The following EVI5 variants were observed in gnomAD, a reference collection of about 807,000 sequenced individuals.
EVI5 encodes the protein ecotropic viral integration site 5.
EVI5 carries 73 observed loss-of-function variants against 112.0 expected under a neutral mutation model. The ratio of observed to expected loss-of-function variants is 0.65; its 90% confidence interval spans 0.54 to 0.79. The LOEUF (loss-of-function observed/expected upper bound fraction) is 0.79. EVI5 is among the 30% of genes least tolerant of loss of function. The probability of loss-of-function intolerance (pLI) is 0.00; values close to 1 mark genes in which losing one functional copy is unlikely to be tolerated. For missense variants in EVI5, 900 were observed against 968.8 expected (o/e 0.93, Z 0.94); for synonymous variants, 305 against 319.9 (o/e 0.95, Z 0.50).
chr1:92,575,107 C>T (rs1028522057), intron 18 of EVI5, among the ~76,000 whole-genome samples: 3 of 152,202 alleles, frequency 2.0e-5, no homozygotes, highest in South Asian at 2.1e-4. Context: ...TTACAACTTA[C>T]AAAATTTTCC....
intron 19 of EVI5, among the ~76,000 whole-genome samples, chr1:92,542,710 G>C (rs1245413356): frequency 6.6e-6 from 1 of 152,138 alleles, no homozygotes; most frequent in Admixed American, 6.5e-5. Flanking sequence ...AATAAGACTT[G>C]AAAGTTGAAA....
At chr1:92,675,641 C>T (rs565127164) in intron 10 of EVI5, among the ~76,000 whole-genome samples, 5 of 151,872 alleles carry the variant, frequency 3.3e-5, no homozygotes, top group Middle Eastern at 3.4e-3. Context: ...GTAAAAGTAC[C>T]CTTACTCATA....
chr1:92,526,239 T>G (rs1571317120), intron 19 of EVI5, among the ~76,000 whole-genome samples: 1 of 152,122 alleles, frequency 6.6e-6, no homozygotes, highest in South Asian at 2.1e-4. Context: ...TTAAATTATT[T>G]GTAGAGATGA....
intron 2 of EVI5, among the ~76,000 whole-genome samples, chr1:92,734,615 G>A (rs998260427): frequency 6.6e-6 from 1 of 151,958 alleles, no homozygotes; most frequent in African/African-American, 2.4e-5. Context: ...TAATTGTCAT[G>A]GACATGTATA....
intron 13 of EVI5, among the ~76,000 whole-genome samples, chr1:92,650,454 C>A (rs1271990455): frequency 1.6e-5 from 1 of 61,256 alleles, no homozygotes; most frequent in East Asian, 7.1e-4. Flanking sequence ...TTGGAAGCTA[C>A]TGTGAATGGA....
At position 92,782,845 on chromosome 1, in the gene EVI5, G is replaced by A. The variant is rs542772635; in HGVS notation, c.-82+1991C>T. Among the ~76,000 whole-genome samples the A allele has an allele frequency of 7.9e-5, 12 of 151,672 alleles. No individual in the cohort carries two copies. In the East Asian group the frequency reaches 1.5e-3, roughly 20 times the overall value. Reference sequence around the variant, plus strand: ...TTTGTTTTTGTTTTTTTTGAAAGACGGTCTCACTCTGCCGCTCAGGCTGGA... The same window carrying A: ...TTTGTTTTTGTTTTTTTTGAAAGACAGTCTCACTCTGCCGCTCAGGCTGGA... On this transcript the variant is annotated intron_variant, in intron 1 of 19. Transcript: ENST00000684568.
intron 14 of EVI5, among the ~76,000 whole-genome samples, chr1:92,632,861 C>T (rs1307730192): frequency 6.6e-6 from 1 of 152,190 alleles, no homozygotes; most frequent in Non-Finnish European, 1.5e-5. Context: ...CCCAGAGATT[C>T]TGGTATGCTG....
At chr1:92,630,061 C>G (rs61802399) in intron 14 of EVI5, among the ~76,000 whole-genome samples, 7 of 152,148 alleles carry the variant, frequency 4.6e-5, no homozygotes, top group Admixed American at 3.9e-4. Flanking sequence ...TTAATCCAGT[C>G]TATCATTGTT....
At chr1:92,560,614 C>G (rs566800588) in intron 19 of EVI5, among the ~76,000 whole-genome samples, 7 of 151,930 alleles carry the variant, frequency 4.6e-5, no homozygotes, top group African/African-American at 1.7e-4. Flanking sequence ...CAGTGGTGAT[C>G]ACGTTTCAGT....
At chr1:92,713,807 T>G (rs1339225176) in intron 2 of EVI5, among the ~76,000 whole-genome samples, 1 of 152,116 alleles carries the variant, frequency 6.6e-6, no homozygotes, top group Non-Finnish European at 1.5e-5. Flanking sequence ...TTTTTCTTCA[T>G]TCTCATATCT....
intron 18 of EVI5, among the ~76,000 whole-genome samples, chr1:92,581,881 C>T (rs894188307): frequency 6.6e-5 from 10 of 152,240 alleles, no homozygotes; most frequent in African/African-American, 2.4e-4. Flanking sequence ...TTTCTCCCTC[C>T]TAAAATTCAT....
At chr1:92,792,337 C>T (rs550483134) in intron 1 of EVI5, 9 of 1,577,708 alleles carry the variant, frequency 5.7e-6, no homozygotes, top group Non-Finnish European at 7.8e-6. Context: ...TCGTTTTACA[C>T]ATTTACCTGT....
intron 1 of EVI5, among the ~76,000 whole-genome samples, chr1:92,766,611 G>A (rs929333531): frequency 2.0e-5 from 3 of 152,052 alleles, no homozygotes; most frequent in African/African-American, 7.2e-5. Context: ...AGGGTAAATA[G>A]TGTCTAGATC....
At chr1:92,669,727 C>T (rs1022884996) in intron 10 of EVI5, among the ~76,000 whole-genome samples, 4 of 151,768 alleles carry the variant, frequency 2.6e-5, no homozygotes, top group African/African-American at 9.7e-5. Context: ...TCAAATGGAA[C>T]TTCTTCCAGT....
At chr1:92,757,692 A>C (rs1681153238) in intron 1 of EVI5, among the ~76,000 whole-genome samples, 1 of 151,990 alleles carries the variant, frequency 6.6e-6, no homozygotes, top group Admixed American at 6.6e-5. Flanking sequence ...ACTTGAGGCC[A>C]GGAGTTTGAG....
intron 18 of EVI5, among the ~76,000 whole-genome samples, chr1:92,594,143 C>T (rs1674507979): frequency 6.6e-6 from 1 of 152,120 alleles, no homozygotes; most frequent in Admixed American, 6.5e-5. Flanking sequence ...GCTGGAGGCA[C>T]CATCCCACCT....
chr1:92,703,844 A>ACT, intron 3 of EVI5: 1 of 360,094 alleles, frequency 2.8e-6, no homozygotes, highest in Non-Finnish European at 4.8e-6. Flanking sequence ...ATTTCACCTC[A>ACT]GTGTGTGACC....
At chr1:92,711,632 G>A (rs541790060) in intron 2 of EVI5, among the ~76,000 whole-genome samples, 9 of 152,222 alleles carry the variant, frequency 5.9e-5, no homozygotes, top group Non-Finnish European at 1.2e-4. Context: ...TCTAGCCTAC[G>A]TGACAGAGCA....
At chr1:92,655,482 T>C (rs1043781572) in intron 13 of EVI5, among the ~76,000 whole-genome samples, 2 of 152,108 alleles carry the variant, frequency 1.3e-5, no homozygotes, top group Middle Eastern at 3.4e-3. Context: ...TTCAAGTGAG[T>C]TCTAAACATG....
Sources: gnomAD v4.1 joint callset for allele counts (sites outside exome capture counted in the v4.1 genomes callset) on GRCh38, gnomAD v4.1.1 for gene constraint, MANE v1.5 for transcripts, NCBI Gene and HGNC (gene_info 2026-07-23, HGNC 2026-07-21) for gene names.